Variants in P2RX4 observed in about 807,000 individuals in gnomAD.
The protein encoded by P2RX4 is purinergic receptor P2X 4.
In P2RX4, 37 loss-of-function variants were observed where a neutral mutation model predicts 48.0. The observed-to-expected ratio is 0.77, with a 90% CI of 0.59 to 1.01. P2RX4 has a LOEUF of 1.01. P2RX4 is among the 50% of genes least tolerant of loss of function. The pLI is 0.00. For missense variants in P2RX4, 501 were observed against 521.4 expected (o/e 0.96, Z 0.38); for synonymous variants, 200 against 199.7 (o/e 1.00, Z -0.01).
Position 121,232,536 on chromosome 12 carries a change from T to C in P2RX4, c.978+29T>C. 3 of 1,606,592 alleles carry C rather than the reference T, an allele frequency of 1.9e-6. No homozygotes were observed. The highest frequency in any genetic ancestry group is 2.6e-6 in the Non-Finnish European group (3 of 1,173,148). ...GCTCGCCGCCACTGGCTCCCCTCCG[T>C]CACTCCCTGCAGGGACAAGGGGCCT... On this transcript the variant is annotated intron_variant, in intron 9 of 11. Coordinates refer to ENST00000337233, the MANE Select transcript of P2RX4 (RefSeq NM_002560.3). This position sits in a 1 kb window ranked among gnomAD's most constrained non-coding sequence, Gnocchi z 4.3.
intron 1 of P2RX4, chr12:121,216,616 T>G: frequency 3.7e-6 from 1 of 267,322 alleles, no homozygotes; most frequent in Non-Finnish European, 7.4e-6. Flanking sequence ...AGGTCAGGAG[T>G]TCGAGACCAG....
At position 121,210,179 on chromosome 12, in the gene P2RX4, C is replaced by A; in HGVS notation, c.15C>A (p.Cys5Ter). 1 of 1,523,790 alleles carries A rather than the reference C, an allele frequency of 6.6e-7. No individual in the cohort carries two copies. Among genetic ancestry groups the A allele is most frequent in the South Asian group, 1.2e-5 (1 of 81,508 alleles). 94.4% of individuals were successfully genotyped at this position (1,523,790 alleles called of 1,614,324 possible). Residue 5 changes from cysteine (C) to a stop codon, truncating the protein, a stop_gained, in exon 1 of 12, where the codon TGC (cysteine) becomes TGA (stop). Transcript: ENST00000337233. LOFTEE classifies it high-confidence loss of function. MAGC[C>*]AALAAFLFEY... ...GCGGCGCGGCCATGGCGGGCTGCTG[C>A]GCCGCGCTGGCGGCCTTCCTGTTCG...
At chr12:121,215,641 GA>G (rs1436392332) in intron 1 of P2RX4, 1 of 152,100 alleles carries the variant, frequency 6.6e-6, no homozygotes, top group Non-Finnish European at 1.5e-5. Flanking sequence ...TCTCAGTCAC[GA>G]GAATCTTTAA....
chr12:121,225,223 C>T (rs1886906228), intron 5 of P2RX4, among the ~76,000 whole-genome samples: 1 of 151,830 alleles, frequency 6.6e-6, no homozygotes, highest in Non-Finnish European at 1.5e-5. Context: ...TAGGCACCCC[C>T]CACCACACCT....
chr12:121,222,362 C>CT, intron 4 of P2RX4, 196 bp downstream of exon 4: 1 of 559,142 alleles, frequency 1.8e-6, no homozygotes. Context: ...TCTTGCCCTA[C>CT]TGTTTTTTTT....
intron 5 of P2RX4, among the ~76,000 whole-genome samples, chr12:121,226,987 C>T (rs562755397): frequency 2.4e-4 from 36 of 152,018 alleles, no homozygotes; most frequent in African/African-American, 8.2e-4. Flanking sequence ...TGGTGGTGCA[C>T]GCCTGTAACC....
At chr12:121,215,020 A>G (rs1222551621) in intron 1 of P2RX4, 1 of 152,166 alleles carries the variant, frequency 6.6e-6, no homozygotes, top group African/African-American at 2.4e-5. Context: ...TCCTGACCTC[A>G]ACAAAACCAG....
Position 121,229,330 on chromosome 12 carries a change from A to T in P2RX4, c.884+231A>T, listed in dbSNP as rs1036050855. Among the ~76,000 whole-genome samples the T allele has an allele frequency of 9.2e-5, 14 of 152,072 alleles. No homozygotes were observed. Among genetic ancestry groups the T allele is most frequent in the African/African-American group, 3.4e-4 (14 of 41,432 alleles). ...CCTCCTTGCCCTTTCCTGCCGCAAG[A>T]AACATGTTGAGATGGTTCTTAGAGC... On this transcript the variant is annotated intron_variant, in intron 8 of 11. Transcript: ENST00000337233. The surrounding 1 kb of genome is among the most constrained non-coding windows in gnomAD (Gnocchi z 4.6).
Position 121,229,129 on chromosome 12 carries a change from G to A in P2RX4, c.884+30G>A. 6.2e-7 allele frequency: 1 copy of A among 1,613,770 alleles called. No individual in the cohort carries two copies. The highest frequency in any genetic ancestry group is 1.3e-5 in the African/African-American group (1 of 75,044). ...GCGTGAGCTTGGGCCCCTCGCTCAT[G>A]TTGTAGGGGGTGCTGGTGGCTGCGT... On this transcript the variant is annotated intron_variant, in intron 8 of 11. Coordinates refer to ENST00000337233, the MANE Select transcript of P2RX4 (RefSeq NM_002560.3). The surrounding 1 kb of genome is among the most constrained non-coding windows in gnomAD (Gnocchi z 4.6).
chr12:121,216,820 CAA>C (rs59513233), intron 1 of P2RX4: 1,185 of 515,346 alleles, frequency 2.3e-3, no homozygotes, highest in Non-Finnish European at 2.6e-3. Context: ...AACATCGTCT[CAA>C]AAAAAAAAAA....
chr12:121,226,286 A>G (rs978704868), intron 5 of P2RX4, among the ~76,000 whole-genome samples: 31 of 151,920 alleles, frequency 2.0e-4, no homozygotes, highest in African/African-American at 6.8e-4. Flanking sequence ...GCTCATGCCT[A>G]TAATCCCAGC....
Position 121,229,025 on chromosome 12 carries a change from C to T in P2RX4, c.810C>T (p.Cys270=). ...ACCTGGACAGAGCCGCCTCCCTCTG[C>T]TTGCCCAGGTACTCCTTCCGCCGCC... The part of the protein sequence containing the change: ...DCNLDRAASL[C]LPRYSFRRLD... Residue 270 remains cysteine, a synonymous_variant, in exon 8 of 12, where the codon TGC becomes TGT. Transcript: ENST00000337233. The surrounding 1 kb of genome is among the most constrained non-coding windows in gnomAD (Gnocchi z 4.6). 1 of 1,614,132 alleles carries T rather than the reference C, an allele frequency of 6.2e-7. No individual in the cohort carries two copies. Among genetic ancestry groups the T allele is most frequent in the Non-Finnish European group, 8.5e-7 (1 of 1,180,020 alleles).
At chr12:121,222,865 G>T in intron 4 of P2RX4, 82 bp from the exon 5 acceptor site, 1 of 1,401,552 alleles carries the variant, frequency 7.1e-7, no homozygotes, top group Non-Finnish European at 9.9e-7. Context: ...GCTGGATGGG[G>T]CTCTCACTCC....
intron 1 of P2RX4, chr12:121,216,414 G>A (rs962842138): frequency 3.9e-5 from 6 of 154,644 alleles, no homozygotes; most frequent in African/African-American, 1.4e-4. Context: ...AGGATTAAAT[G>A]AGTTAATACA....
intron 8 of P2RX4, among the ~76,000 whole-genome samples, chr12:121,231,708 T>G (rs1566012190): frequency 6.6e-6 from 1 of 152,036 alleles, no homozygotes; most frequent in East Asian, 1.9e-4. Flanking sequence ...AGTGGTTCTT[T>G]TTGTTGTTGT....
intron 5 of P2RX4, 67 bp downstream of exon 5, chr12:121,223,110 G>A (rs144532996): frequency 3.0e-6 from 3 of 1,014,974 alleles, no homozygotes; most frequent in Non-Finnish European, 4.6e-6. Context: ...GTTTCACTCT[G>A]TATCCCAGGT....
Position 121,233,510 on chromosome 12 carries a change from T to C in P2RX4, c.1141-13T>C, listed in dbSNP as rs762778376. 1.0e-5 allele frequency: 16 copies of C among 1,606,000 alleles called. No homozygotes were observed. Among genetic ancestry groups the C allele is most frequent in the Non-Finnish European group, 1.1e-5 (13 of 1,175,884 alleles). On this transcript the variant is annotated splice_polypyrimidine_tract_variant and intron_variant, in intron 11 of 11. Transcript: ENST00000337233. ...CCAGGGGCACCTTGATCTGCTTGTG[T>C]CCTTCTTTGCAGGGTCTTGCTAGTG...
chr12:121,226,179 A>G (rs1348484738), intron 5 of P2RX4, among the ~76,000 whole-genome samples: 2 of 152,058 alleles, frequency 1.3e-5, no homozygotes, highest in Non-Finnish European at 2.9e-5. Context: ...GCCTCACAAT[A>G]TACTTTTATT....
rs752800282 is a variant in P2RX4 at position 121,217,014 on chromosome 12, G to T, written c.135-120G>T. The T allele has an allele frequency of 3.9e-6, 4 of 1,023,152 alleles. No individual in the cohort carries two copies. In the South Asian group the frequency reaches 5.0e-5, roughly 13 times the overall value. The allele number at this position is 1,023,152 out of a possible 1,614,324, so 63.4% of individuals were successfully genotyped here. A position where few individuals can be genotyped will look rare whatever the true frequency, so the allele number is the denominator to read the frequency against. On this transcript the variant is annotated intron_variant, in intron 1 of 11. Coordinates refer to ENST00000337233, the MANE Select transcript of P2RX4 (RefSeq NM_002560.3). Reference sequence around the variant, plus strand: ...GAGTCCCCTAGAAGGTACGTAGCTTGTAGAAAGTCATGTAATTAGTCAACA... The same window carrying T: ...GAGTCCCCTAGAAGGTACGTAGCTTTTAGAAAGTCATGTAATTAGTCAACA...
Sources: allele counts gnomAD v4.1 joint callset (sites outside exome capture counted in the v4.1 genomes callset), GRCh38; gene constraint gnomAD v4.1.1; non-coding constraint Gnocchi (gnomAD v3.1); transcripts MANE v1.5; gene names NCBI Gene and HGNC (gene_info 2026-07-23, HGNC 2026-07-21).